Variants in BACE2 observed in about 807,000 individuals in gnomAD.
The protein encoded by BACE2 is 56 kDa aspartic-like protease.
In BACE2, 17 loss-of-function variants were observed where a neutral mutation model predicts 46.2. The observed-to-expected ratio is 0.37, with a 90% confidence interval of 0.25 to 0.55. The LOEUF (loss-of-function observed/expected upper bound fraction) is 0.55, where lower values mean the gene tolerates loss of function less well. BACE2 is among the 20% of genes least tolerant of loss of function. BACE2 has a pLI of 0.82. For missense variants in BACE2, 595 were observed against 698.1 expected, an observed-to-expected ratio of 0.85 and a Z score of 1.66; for synonymous variants, 277 against 295.9, an observed-to-expected ratio of 0.94 and a Z score of 0.66.
At chr21:41,256,067 TTTTG>T (rs946092870) in intron 7 of BACE2, among the ~76,000 whole-genome samples, 10 of 151,410 alleles carry the variant, frequency 6.6e-5, no homozygotes, top group Non-Finnish European at 7.4e-5. Flanking sequence ...AACCTTTTTT[TTTTG>T]TTTGTTTGTT....
chr21:41,181,472 CAT>C (rs1161972809), intron 1 of BACE2: 3 of 167,036 alleles, frequency 1.8e-5, no homozygotes, highest in Admixed American at 1.3e-4. Flanking sequence ...GAGAAGGTAC[CAT>C]ATATGGTCTT....
intron 7 of BACE2, among the ~76,000 whole-genome samples, chr21:41,256,547 A>C (rs1158154319): frequency 5.3e-5 from 8 of 152,184 alleles, no homozygotes; most frequent in African/African-American, 1.4e-4. Context: ...CTGCACAATA[A>C]AACTTTGGTC....
rs746261276 is a variant in BACE2, at chr21:41,168,563, C to A, written c.300C>A (p.Thr100=). The part of the protein sequence containing the change: ...RGYYLEMLIG[T]PPQKLQILVD... ...ACTACCTGGAGATGCTGATCGGGAC[C>A]CCCCCGCAGAAGGTAGGGACCCCCG... The change falls in exon 1 of 9, where the codon ACC becomes ACA. Residue 100 remains threonine, a synonymous_variant. Transcript: ENST00000330333. The A allele has an allele frequency of 1.1e-5, 14 of 1,326,670 alleles. No homozygotes were observed. The highest frequency in any genetic ancestry group is 7.5e-5 in the African/African-American group (5 of 66,372). 82.2% of individuals were successfully genotyped at this position (1,326,670 alleles called of 1,614,324 possible).
At position 41,277,813 on chromosome 21, in the gene BACE2, G is replaced by C. The variant is rs1438178047; in HGVS notation, c.*2189G>C. On this transcript the variant is annotated 3_prime_UTR_variant, in exon 9 of 9. Coordinates refer to ENST00000330333, the MANE Select transcript of BACE2 (RefSeq NM_012105.5). ...CAGGTAGAGTAGGTGAATGAAGTTT[G>C]CCGTCATGCTCTGTATTTCATATCA... 6.6e-6 allele frequency: 1 copy of C among 152,216 alleles called. No individual in the cohort carries two copies. Among genetic ancestry groups the C allele is most frequent in the Admixed American group, 6.5e-5 (1 of 15,278 alleles). 9.4% of individuals were successfully genotyped at this position (152,216 alleles called of 1,614,324 possible).
chr21:41,222,005 G>A (rs561183526), intron 1 of BACE2, among the ~76,000 whole-genome samples: 4 of 152,248 alleles, frequency 2.6e-5, no homozygotes, highest in Non-Finnish European at 4.4e-5. Flanking sequence ...GATTGCGCAC[G>A]GGGCCCAGGC....
intron 8 of BACE2, among the ~76,000 whole-genome samples, chr21:41,270,898 A>G (rs58003932): frequency 0.073 from 11,099 of 152,212 alleles, 466 homozygotes; most frequent in East Asian, 0.15. Context: ...TGAGAAACGG[A>G]TATTGGAATC....
chr21:41,208,172 G>A (rs975572971), intron 1 of BACE2, among the ~76,000 whole-genome samples: 3 of 152,214 alleles, frequency 2.0e-5, no homozygotes, highest in Non-Finnish European at 4.4e-5. Context: ...GACCAAGAGC[G>A]AGAAAACCCA....
At chr21:41,233,374 C>T (rs1987021154) in intron 2 of BACE2, among the ~76,000 whole-genome samples, 1 of 146,838 alleles carries the variant, frequency 6.8e-6, no homozygotes, top group Non-Finnish European at 1.5e-5. Flanking sequence ...ATAACTTGGC[C>T]CTGGGTCACA....
chr21:41,213,164 A>T (rs1986351349), intron 1 of BACE2, among the ~76,000 whole-genome samples: 1 of 152,188 alleles, frequency 6.6e-6, no homozygotes, highest in Non-Finnish European at 1.5e-5. Context: ...TAAGAAGAAG[A>T]GCTTTGTCCT....
At chr21:41,254,391 C>A (rs1987722171) in intron 7 of BACE2, among the ~76,000 whole-genome samples, 1 of 152,144 alleles carries the variant, frequency 6.6e-6, no homozygotes, top group Non-Finnish European at 1.5e-5. Flanking sequence ...CCCTCACAGT[C>A]CCTCAAACCC....
chr21:41,258,294 G>A (rs761950525), intron 8 of BACE2, among the ~76,000 whole-genome samples: 30 of 152,206 alleles, frequency 2.0e-4, no homozygotes, highest in Non-Finnish European at 2.6e-4. Flanking sequence ...TTTGGGAATC[G>A]ATAGGGAAAT....
chr21:41,174,297 G>A (rs1294273429), intron 1 of BACE2, among the ~76,000 whole-genome samples: 3 of 151,678 alleles, frequency 2.0e-5, no homozygotes, highest in East Asian at 1.9e-4. Flanking sequence ...TGTGTGCCAC[G>A]ACAACCAGCT....
chr21:41,175,367 T>C (rs1224747640), intron 1 of BACE2: 2 of 152,222 alleles, frequency 1.3e-5, no homozygotes, highest in African/African-American at 4.8e-5. Context: ...AGCTCCATCA[T>C]TCCAGGGTAC....
At chr21:41,197,351 C>G (rs1401296343) in intron 1 of BACE2, among the ~76,000 whole-genome samples, 1 of 150,948 alleles carries the variant, frequency 6.6e-6, no homozygotes, top group East Asian at 1.9e-4. Flanking sequence ...GTCACAGTTC[C>G]AGATTTGCTG....
intron 3 of BACE2, among the ~76,000 whole-genome samples, chr21:41,239,643 G>A (rs892516007): frequency 6.6e-6 from 1 of 152,198 alleles, no homozygotes; most frequent in African/African-American, 2.4e-5. Flanking sequence ...CTCTCAAAGT[G>A]TTGGGATTGT....
chr21:41,236,911 G>A (rs1011921516), intron 2 of BACE2, among the ~76,000 whole-genome samples: 1 of 152,218 alleles, frequency 6.6e-6, no homozygotes, highest in Non-Finnish European at 1.5e-5. Context: ...CTTGGGTATA[G>A]TGAAAAATTA....
intron 8 of BACE2, 145 bp from the exon 9 acceptor site, chr21:41,275,226 T>G (rs2088472735): frequency 1.8e-6 from 2 of 1,115,830 alleles, no homozygotes; most frequent in East Asian, 4.8e-5. Flanking sequence ...GTGACCCCAC[T>G]CAGTGCTTCC....
chr21:41,210,945 C>T (rs566928333), intron 1 of BACE2, among the ~76,000 whole-genome samples: 4 of 152,182 alleles, frequency 2.6e-5, no homozygotes, highest in African/African-American at 9.7e-5. Flanking sequence ...TTCCCCAACC[C>T]CTCCTCCTTC....
At chr21:41,231,045 A>G (rs1012068862) in intron 2 of BACE2, among the ~76,000 whole-genome samples, 1 of 152,190 alleles carries the variant, frequency 6.6e-6, no homozygotes, top group Admixed American at 6.5e-5. Flanking sequence ...CAAGAGACCA[A>G]TTTATTTTCC....
Sources: gnomAD v4.1 joint callset for allele counts (sites outside exome capture counted in the v4.1 genomes callset) on GRCh38, gnomAD v4.1.1 for gene constraint, MANE v1.5 for transcripts, NCBI Gene and HGNC (gene_info 2026-07-23, HGNC 2026-07-21) for gene names.